ANKFN1: variants seen among roughly 807,000 people sequenced by gnomAD.
ANKFN1 encodes the protein ankyrin repeat and fibronectin type III domain containing 1, also known as ankyrin repeat and fibronectin type-III domain-containing protein 1.
In ANKFN1, 74 loss-of-function variants were observed where a neutral mutation model predicts 108.7. That is an observed-to-expected ratio of 0.68 (90% CI 0.56 to 0.83). The LOEUF is 0.83. Ranked by LOEUF, ANKFN1 falls within the 40% of genes least tolerant of loss-of-function variation. The pLI is 0.00. For synonymous variants in ANKFN1, 547 were observed against 516.2 expected (o/e 1.06, Z -0.81); for missense variants, 1,505 against 1,382.3 (o/e 1.09, Z -1.41).
At chr17:56,235,214 T>C (rs1917035740) in intron 3 of ANKFN1, among the ~76,000 whole-genome samples, 1 of 152,224 alleles carries the variant, frequency 6.6e-6, no homozygotes, top group South Asian at 2.1e-4. Context: ...TGTTGTTTCT[T>C]ATAAACTTGT....
intron 3 of ANKFN1, among the ~76,000 whole-genome samples, chr17:56,234,624 T>C (rs1470475060): frequency 6.6e-6 from 1 of 152,188 alleles, no homozygotes; most frequent in Non-Finnish European, 1.5e-5. Flanking sequence ...GTTCCTGCAT[T>C]AGTCTGCTAA....
chr17:56,297,698 G>T (rs1346118907), intron 3 of ANKFN1, among the ~76,000 whole-genome samples: 2 of 152,174 alleles, frequency 1.3e-5, no homozygotes, highest in African/African-American at 2.4e-5. Context: ...GTTGTGATCT[G>T]ATCCTCTAAA....
chr17:56,260,236 T>G (rs2144116063), intron 3 of ANKFN1, among the ~76,000 whole-genome samples: 1 of 152,354 alleles, frequency 6.6e-6, no homozygotes, highest in Non-Finnish European at 1.5e-5. Context: ...ACCAAGTGGC[T>G]TGTTCAAAAC....
intron 3 of ANKFN1, chr17:56,254,183 A>C (rs1341971661): frequency 6.6e-6 from 1 of 152,214 alleles, no homozygotes; most frequent in East Asian, 1.9e-4. Context: ...AGCACACTGG[A>C]TTTCTGAACC....
intron 1 of ANKFN1, among the ~76,000 whole-genome samples, chr17:56,199,428 C>T (rs376881361): frequency 6.6e-5 from 10 of 152,066 alleles, no homozygotes; most frequent in East Asian, 1.9e-4. Flanking sequence ...TTTTCCAATA[C>T]GCAAAGGTCA....
intron 1 of ANKFN1, among the ~76,000 whole-genome samples, chr17:56,171,231 T>A (rs992071234): frequency 2.0e-5 from 3 of 152,150 alleles, no homozygotes; most frequent in Non-Finnish European, 4.4e-5. Flanking sequence ...TGGCCTTTTG[T>A]ACTCACTCTC....
At chr17:56,244,742 G>T (rs1395041185) in intron 3 of ANKFN1, among the ~76,000 whole-genome samples, 1 of 152,124 alleles carries the variant, frequency 6.6e-6, no homozygotes, top group Non-Finnish European at 1.5e-5. Flanking sequence ...GGTATAGAGC[G>T]TAAAGAGACC....
chr17:56,058,902 C>CTT (rs1338535165), intron 4 of ANKFN1, among the ~76,000 whole-genome samples: 1 of 152,144 alleles, frequency 6.6e-6, no homozygotes, highest in Non-Finnish European at 1.5e-5. Context: ...CATATGTGTG[C>CTT]ATGTGTCTTT....
intron 3 of ANKFN1, among the ~76,000 whole-genome samples, chr17:56,265,160 G>C (rs563716768): frequency 4.6e-5 from 7 of 152,066 alleles, no homozygotes; most frequent in Non-Finnish European, 1.0e-4. Context: ...CTCAAGATTT[G>C]GGCAAACAGT....
At chr17:56,060,151 T>C (rs1054423094) in intron 4 of ANKFN1, among the ~76,000 whole-genome samples, 1 of 152,238 alleles carries the variant, frequency 6.6e-6, no homozygotes, top group Non-Finnish European at 1.5e-5. Flanking sequence ...TTCACATTCC[T>C]TGTTAGCTGT....
At chr17:56,138,898 A>T (rs1004721815) in intron 4 of ANKFN1, among the ~76,000 whole-genome samples, 1 of 152,098 alleles carries the variant, frequency 6.6e-6, no homozygotes, top group Admixed American at 6.5e-5. Flanking sequence ...AAAAGAATTC[A>T]AGTCAAGATT....
chr17:56,148,282 A>G (rs1350263873), intron 4 of ANKFN1, among the ~76,000 whole-genome samples: 3 of 152,246 alleles, frequency 2.0e-5, no homozygotes, highest in Non-Finnish European at 2.9e-5. Flanking sequence ...TAGTTAAAAT[A>G]GGTGAATCCC....
intron 8 of ANKFN1, among the ~76,000 whole-genome samples, chr17:56,400,414 C>T (rs557309128): frequency 1.1e-4 from 14 of 123,412 alleles, no homozygotes; most frequent in African/African-American, 3.7e-4. Context: ...ATGTTCTTAG[C>T]CCACTTTTTG....
intron 2 of ANKFN1, among the ~76,000 whole-genome samples, chr17:56,217,551 C>G (rs1055694963): frequency 2.0e-5 from 3 of 152,156 alleles, no homozygotes; most frequent in Non-Finnish European, 4.4e-5. Context: ...GAGGATAATA[C>G]TGGCATGTGG....
intron 1 of ANKFN1, among the ~76,000 whole-genome samples, chr17:56,171,260 G>T (rs1910674596): frequency 6.6e-6 from 1 of 152,072 alleles, no homozygotes; most frequent in Non-Finnish European, 1.5e-5. Flanking sequence ...AGGAAGTGAG[G>T]GACTAGTGCT....
Position 56,373,789 on chromosome 17 carries a change from G to A in ANKFN1, c.797-812G>A, listed in dbSNP as rs548228695. Among the ~76,000 whole-genome samples, 12 of 152,308 alleles carry A rather than the reference G, an allele frequency of 7.9e-5. No individual in the cohort carries two copies. In the East Asian group the frequency reaches 1.2e-3, roughly 15 times the overall value. Reference sequence around the variant, plus strand: ...ATGGGTTTGTTTAAAGAGATTCAGCGCTTGCTTTAATAAATGCATTTGCTA... The same window carrying A: ...ATGGGTTTGTTTAAAGAGATTCAGCACTTGCTTTAATAAATGCATTTGCTA... On this transcript the variant is annotated intron_variant, in intron 7 of 20. Coordinates refer to ENST00000682825, the MANE Select transcript of ANKFN1 (RefSeq NM_001370326.1).
rs73313447 is a variant in ANKFN1, at chr17:56,457,099, C to T, written c.1307+139C>T. On this transcript the variant is annotated intron_variant, in intron 12 of 20. Transcript: ENST00000682825. Reference sequence around the variant, plus strand: ...TTTTCTCCTGAGAATTTGTGTAAGACAGTAATTTTCTCTCTTTTGAGTTGT... The same window carrying T: ...TTTTCTCCTGAGAATTTGTGTAAGATAGTAATTTTCTCTCTTTTGAGTTGT... The T allele has an allele frequency of 0.014, 15,824 of 1,119,050 alleles. 1,649 individuals carry two copies. The African/African-American group carries it at 0.22, about 16-fold the overall frequency. The allele number at this position is 1,119,050 out of a possible 1,614,324, so 69.3% of individuals were successfully genotyped here. A position where few individuals can be genotyped will look rare whatever the true frequency, so the allele number is the denominator to read the frequency against.
At chr17:56,459,379 G>C (rs1434734005) in intron 14 of ANKFN1, among the ~76,000 whole-genome samples, 2 of 152,068 alleles carry the variant, frequency 1.3e-5, no homozygotes, top group African/African-American at 4.8e-5. Context: ...CCAAAGTGCT[G>C]GGAGTACAGG....
chr17:56,254,726 C>T (rs1390268970), intron 3 of ANKFN1, among the ~76,000 whole-genome samples: 2 of 152,126 alleles, frequency 1.3e-5, no homozygotes, highest in Admixed American at 6.5e-5. Context: ...TTGGATGGAA[C>T]TTTCACAAGA....
Sources: allele counts gnomAD v4.1 joint callset (sites outside exome capture counted in the v4.1 genomes callset), GRCh38; gene constraint gnomAD v4.1.1; transcripts MANE v1.5; gene names NCBI Gene and HGNC (gene_info 2026-07-23, HGNC 2026-07-21).